Variants in PRH1 observed in about 807,000 individuals in gnomAD.
PRH1 encodes the protein salivary acidic proline-rich phosphoprotein 1/2.
A neutral mutation model predicts 7.9 loss-of-function variants in PRH1; 7 were observed. That is an observed-to-expected ratio of 0.89 (90% CI 0.50 to 1.67). The LOEUF (loss-of-function observed/expected upper bound fraction) is 1.67, where lower values mean the gene tolerates loss of function less well. PRH1 is among the 40% of genes most tolerant of loss of function. The pLI, the probability that PRH1 is intolerant of heterozygous loss-of-function variation, is 0.00. For missense variants in PRH1, 109 were observed against 223.6 expected (o/e 0.49, Z 3.27); for synonymous variants, 45 against 80.8 (o/e 0.56, Z 2.38).
upstream of PRH1, chr12:10,884,300 G>C: frequency 1.3e-6 from 2 of 1,589,076 alleles, no homozygotes; most frequent in Non-Finnish European, 1.7e-6. Flanking sequence ...GCAGGACAAT[G>C]GTGCATTTGA....
chr12:11,075,134 G>A (rs201384630), intron 1 of PRH1, among the ~76,000 whole-genome samples: 3 of 118,072 alleles, frequency 2.5e-5, no homozygotes, highest in African/African-American at 9.0e-5. Flanking sequence ...TATACATTCA[G>A]TTGCATCACT....
intron 2 of PRH1, among the ~76,000 whole-genome samples, chr12:10,968,819 G>T: frequency 6.6e-6 from 1 of 152,234 alleles, no homozygotes; most frequent in Non-Finnish European, 1.5e-5. Flanking sequence ...GCAGCATCTG[G>T]GGGGGTGCCC....
At chr12:10,997,920 G>GACATT in intron 1 of PRH1, 2 of 1,244,426 alleles carry the variant, frequency 1.6e-6, no homozygotes, top group Non-Finnish European at 2.2e-6. Flanking sequence ...TAATGTCACT[G>GACATT]ATGGTGACTC....
intron 3 of PRH1, among the ~76,000 whole-genome samples, chr12:10,881,809 A>G (rs1019336141): frequency 2.6e-5 from 4 of 152,200 alleles, no homozygotes; most frequent in Non-Finnish European, 5.9e-5. Flanking sequence ...TTTACAACTG[A>G]AAGTTCAAGG....
At chr12:11,008,995 G>C (rs1403377710) in intron 1 of PRH1, among the ~76,000 whole-genome samples, 1 of 151,112 alleles carries the variant, frequency 6.6e-6, no homozygotes, top group African/African-American at 2.4e-5. Flanking sequence ...ATTACTATTT[G>C]CATATATCTT....
At chr12:11,165,893 C>T (rs1551192) in intron 1 of PRH1, among the ~76,000 whole-genome samples, 34,641 of 152,160 alleles carry the variant, frequency 0.23, 4,000 homozygotes, top group Non-Finnish European at 0.24. Context: ...GCTCTTTCTA[C>T]ACTTGTGTCC....
At chr12:11,136,475 C>T (rs1012408626) in intron 1 of PRH1, among the ~76,000 whole-genome samples, 1 of 151,996 alleles carries the variant, frequency 6.6e-6, no homozygotes, top group African/African-American at 2.4e-5. Context: ...TGTATATATA[C>T]CTTTGGGTAA....
chr12:10,897,720 G>T (rs1199532208), intron 2 of PRH1, among the ~76,000 whole-genome samples: 5 of 152,164 alleles, frequency 3.3e-5, no homozygotes, highest in African/African-American at 9.6e-5. Context: ...GATGGGGGAG[G>T]TGCCTTACAC....
At chr12:11,025,804 T>C (rs1214304130) in intron 1 of PRH1, among the ~76,000 whole-genome samples, 2 of 152,374 alleles carry the variant, frequency 1.3e-5, no homozygotes, top group East Asian at 1.9e-4. Flanking sequence ...TGGTTAACTC[T>C]GTCTATTGGA....
chr12:11,163,704 G>T (rs1056131020), intron 1 of PRH1, among the ~76,000 whole-genome samples: 3 of 152,130 alleles, frequency 2.0e-5, no homozygotes, highest in African/African-American at 7.2e-5. Flanking sequence ...AAGCACAAAA[G>T]ACATTTATTA....
At chr12:11,139,823 T>C (rs550590369) in intron 1 of PRH1, among the ~76,000 whole-genome samples, 1 of 152,274 alleles carries the variant, frequency 6.6e-6, no homozygotes, top group South Asian at 2.1e-4. Flanking sequence ...GATAATGCCA[T>C]ACTCAGCCAA....
intron 1 of PRH1, among the ~76,000 whole-genome samples, chr12:10,973,990 G>T (rs2135956973): frequency 6.6e-6 from 1 of 152,272 alleles, no homozygotes; most frequent in South Asian, 2.1e-4. Context: ...GGGGATTACA[G>T]TTTCTCATTT....
At chr12:11,031,876 T>C (rs564291062) in intron 1 of PRH1, among the ~76,000 whole-genome samples, 2 of 152,334 alleles carry the variant, frequency 1.3e-5, no homozygotes, top group South Asian at 2.1e-4. Flanking sequence ...CAATGTAATA[T>C]AACTGGGTGT....
intron 1 of PRH1, among the ~76,000 whole-genome samples, chr12:11,164,926 T>C (rs566194056): frequency 3.9e-5 from 6 of 152,300 alleles, no homozygotes; most frequent in South Asian, 2.1e-4. Context: ...TAGACCCCTT[T>C]GCAGTGCATT....
At chr12:11,165,311 CT>C (rs1947541523) in intron 1 of PRH1, among the ~76,000 whole-genome samples, 1 of 141,444 alleles carries the variant, frequency 7.1e-6, no homozygotes, top group Admixed American at 7.0e-5. Flanking sequence ...CTCTTCTCTC[CT>C]TTTCTCCCTC....
chr12:11,133,196 T>C (rs1435154717), intron 1 of PRH1: 2 of 1,487,032 alleles, frequency 1.3e-6, no homozygotes, highest in East Asian at 2.3e-5. Flanking sequence ...CTTTTCTAGG[T>C]ATACATGTGG....
chr12:11,043,188 A>G (rs1942780648), intron 1 of PRH1, among the ~76,000 whole-genome samples: 1 of 152,230 alleles, frequency 6.6e-6, no homozygotes, highest in Non-Finnish European at 1.5e-5. Flanking sequence ...AGAATGTAGG[A>G]CAAGAACCAT....
chr12:10,895,539 A>C (rs1949632392), intron 2 of PRH1: 2 of 152,296 alleles, frequency 1.3e-5, no homozygotes, highest in South Asian at 4.1e-4. Context: ...ATGGGATTGG[A>C]GAAGTTGGCT....
At chr12:11,049,529 GA>G (rs1281024964), upstream of PRH1, among the ~76,000 whole-genome samples, 1 of 152,198 alleles carries the variant, frequency 6.6e-6, no homozygotes, top group East Asian at 1.9e-4. Flanking sequence ...ACTATATGCT[GA>G]AATATTTTAT....
Sources: allele counts gnomAD v4.1 joint callset (sites outside exome capture counted in the v4.1 genomes callset), GRCh38; gene constraint gnomAD v4.1.1; transcripts MANE v1.5; gene names NCBI Gene and HGNC (gene_info 2026-07-23, HGNC 2026-07-21).